Variants in GRIN3A observed in about 807,000 individuals in gnomAD.
The protein encoded by GRIN3A is glutamate receptor ionotropic, NMDA 3A.
GRIN3A carries 47 observed loss-of-function variants against 92.4 expected under a neutral mutation model. The observed-to-expected ratio is 0.51, with a 90% CI of 0.40 to 0.65. The LOEUF (loss-of-function observed/expected upper bound fraction) is 0.65. Among genes scored for constraint, GRIN3A ranks in the 30% least tolerant of loss-of-function variants. The pLI is 0.00. For missense variants in GRIN3A, 1,324 were observed against 1,393.1 expected (o/e 0.95, Z 0.79); for synonymous variants, 527 against 540.6 (o/e 0.97, Z 0.35).
chr9:101,613,367 T>G lies in GRIN3A; in HGVS notation c.2766+9A>C. Reference sequence around the variant, plus strand: ...CAACGTGTCACCATTTTCAACAGTCTTTCCATACCTCCGTGACAGCAAAAC... The same window carrying G: ...CAACGTGTCACCATTTTCAACAGTCGTTCCATACCTCCGTGACAGCAAAAC... On this transcript the variant is annotated intron_variant, in intron 6 of 8. Transcript: ENST00000361820. 6.2e-7 allele frequency: 1 copy of G among 1,614,122 alleles called. No individual in the cohort carries two copies. Among genetic ancestry groups the G allele is most frequent in the Non-Finnish European group, 8.5e-7 (1 of 1,179,974 alleles).
chr9:101,721,079 A>C (rs575982797), intron 1 of GRIN3A, among the ~76,000 whole-genome samples: 2 of 152,246 alleles, frequency 1.3e-5, no homozygotes, highest in East Asian at 3.9e-4. Context: ...AGTACATGAT[A>C]TGGTTTGGCT....
At chr9:101,635,743 C>T (rs1201798981) in intron 3 of GRIN3A, among the ~76,000 whole-genome samples, 2 of 152,182 alleles carry the variant, frequency 1.3e-5, no homozygotes, top group South Asian at 4.1e-4. Context: ...TAGGAAGACT[C>T]TGGTCACAAA....
At chr9:101,662,345 T>G (rs1829181750) in intron 3 of GRIN3A, among the ~76,000 whole-genome samples, 1 of 151,798 alleles carries the variant, frequency 6.6e-6, no homozygotes, top group Admixed American at 6.6e-5. Context: ...GAAGAGATTT[T>G]AACTATTGTT....
intron 3 of GRIN3A, among the ~76,000 whole-genome samples, chr9:101,637,311 T>G (rs35153081): frequency 0.066 from 10,030 of 152,150 alleles, 484 homozygotes; most frequent in East Asian, 0.17. Flanking sequence ...GCCAGGATGG[T>G]CTCCATCTCC....
intron 8 of GRIN3A, 48 bp from the exon 9 acceptor site, chr9:101,573,561 A>C: frequency 2.1e-6 from 3 of 1,422,508 alleles, no homozygotes; most frequent in Non-Finnish European, 2.0e-6. Context: ...TGCAGCTCTC[A>C]AGGTGCTGTC....
rs150566362 is a variant in GRIN3A, at chr9:101,724,692, C to T, written c.699+12589G>A. Among the ~76,000 whole-genome samples the T allele has an allele frequency of 4.4e-4, 67 of 152,334 alleles. 1 individual carries two copies. In the East Asian group the frequency reaches 0.013, roughly 29 times the overall value. ...TCACCTCTCAGTAATGAGTCTCACA[C>T]GATGTGATGGGTTTATCAGGGATTT... On this transcript the variant is annotated intron_variant, in intron 1 of 8. Coordinates refer to ENST00000361820, the MANE Select transcript of GRIN3A (RefSeq NM_133445.3).
intron 3 of GRIN3A, among the ~76,000 whole-genome samples, chr9:101,638,039 A>C (rs1241511029): frequency 6.6e-6 from 1 of 152,174 alleles, no homozygotes; most frequent in Admixed American, 6.5e-5. Context: ...CTATTTATAA[A>C]ATAAGTTTCT....
intron 3 of GRIN3A, among the ~76,000 whole-genome samples, chr9:101,631,310 G>C (rs1049102554): frequency 3.3e-5 from 5 of 152,106 alleles, no homozygotes; most frequent in Non-Finnish European, 7.4e-5. Flanking sequence ...ATCTCACTTA[G>C]CACAAACTAA....
In GRIN3A at chr9:101,700,178, A is replaced by G. The variant is rs565611822; in HGVS notation, c.700-12978T>C. On this transcript the variant is annotated intron_variant, in intron 1 of 8. Coordinates refer to ENST00000361820, the MANE Select transcript of GRIN3A (RefSeq NM_133445.3). Reference sequence around the variant, plus strand: ...TTTATATAGTAAAATTCCAAATAACAGTGTCCAGAAAATGACAGACTCACA... The same window carrying G: ...TTTATATAGTAAAATTCCAAATAACGGTGTCCAGAAAATGACAGACTCACA... Among the ~76,000 whole-genome samples the G allele has an allele frequency of 1.4e-4, 21 of 152,324 alleles. No individual in the cohort carries two copies. In the East Asian group the frequency reaches 4.1e-3, roughly 29 times the overall value.
chr9:101,594,415 G>T, intron 6 of GRIN3A: 1 of 1,601,916 alleles, frequency 6.2e-7, no homozygotes, highest in South Asian at 1.1e-5. Context: ...AGGCTCATAC[G>T]ATGAGGACCA....
chr9:101,618,010 G>A (rs1828489530), intron 5 of GRIN3A, among the ~76,000 whole-genome samples: 1 of 151,926 alleles, frequency 6.6e-6, no homozygotes, highest in Admixed American at 6.6e-5. Context: ...GTATTCCATG[G>A]TGTATATGTG....
At chr9:101,620,515 C>G (rs982156129) in intron 5 of GRIN3A, among the ~76,000 whole-genome samples, 1 of 152,102 alleles carries the variant, frequency 6.6e-6, no homozygotes, top group African/African-American at 2.4e-5. Flanking sequence ...GTACATTCAG[C>G]ATGAAGGAAT....
intron 6 of GRIN3A, among the ~76,000 whole-genome samples, chr9:101,606,218 T>A (rs1356335065): frequency 6.6e-6 from 1 of 152,200 alleles, no homozygotes; most frequent in Non-Finnish European, 1.5e-5. Flanking sequence ...TCATCTGCCA[T>A]GAGGGACAGT....
intron 5 of GRIN3A, among the ~76,000 whole-genome samples, chr9:101,616,450 C>G (rs1006326208): frequency 1.3e-5 from 2 of 152,080 alleles, no homozygotes; most frequent in African/African-American, 4.8e-5. Flanking sequence ...CTCAAAATAG[C>G]TCTTTGAATG....
chr9:101,665,704 C>G (rs553696501), intron 3 of GRIN3A, among the ~76,000 whole-genome samples: 2 of 151,962 alleles, frequency 1.3e-5, no homozygotes, highest in African/African-American at 4.8e-5. Context: ...CCACAGAGAT[C>G]TATGACTTCT....
chr9:101,685,568 G>A (rs972253172), intron 2 of GRIN3A, among the ~76,000 whole-genome samples: 1 of 151,626 alleles, frequency 6.6e-6, no homozygotes, highest in Non-Finnish European at 1.5e-5. Context: ...TATCCTTTAA[G>A]GATATTCCCC....
chr9:101,709,034 T>G (rs1459958448), intron 1 of GRIN3A, among the ~76,000 whole-genome samples: 1 of 152,154 alleles, frequency 6.6e-6, no homozygotes, highest in Non-Finnish European at 1.5e-5. Flanking sequence ...CCCTTGGCAA[T>G]GGACTCACTC....
intron 1 of GRIN3A, among the ~76,000 whole-genome samples, chr9:101,712,324 T>C (rs907688952): frequency 6.6e-6 from 1 of 152,194 alleles, no homozygotes; most frequent in Non-Finnish European, 1.5e-5. Flanking sequence ...AATTTCTCTC[T>C]TAATGACTAT....
intron 1 of GRIN3A, among the ~76,000 whole-genome samples, chr9:101,697,471 G>T (rs1829698343): frequency 6.6e-6 from 1 of 152,266 alleles, no homozygotes; most frequent in African/African-American, 2.4e-5. Flanking sequence ...AAATGAACAG[G>T]TCTGTGTCTT....
Sources: gnomAD v4.1 joint callset for allele counts (sites outside exome capture counted in the v4.1 genomes callset) on GRCh38, gnomAD v4.1.1 for gene constraint, MANE v1.5 for transcripts, NCBI Gene and HGNC (gene_info 2026-07-23, HGNC 2026-07-21) for gene names.